Variants in WDR49 observed in about 807,000 individuals in gnomAD.
WDR49 encodes WD repeat domain 49.
Under a neutral mutation model 119.5 loss-of-function variants are expected in WDR49, and 107 were observed. The observed-to-expected ratio is 0.90, with a 90% CI of 0.77 to 1.05. The LOEUF is 1.05. WDR49 is among the 50% of genes least tolerant of loss of function. WDR49 has a pLI of 0.00. For missense variants in WDR49, 1,240 were observed against 1,220.5 expected, an observed-to-expected ratio of 1.02 and a Z score of -0.24; for synonymous variants, 425 against 418.8, an observed-to-expected ratio of 1.01 and a Z score of -0.18.
rs189344348 is a variant in WDR49, at chr3:167,597,284, C to T, written c.1275+4843G>A. On this transcript the variant is annotated intron_variant, in intron 7 of 18. Coordinates refer to ENST00000682715, the MANE Select transcript of WDR49 (RefSeq NM_001366157.1). ...TGCAAGCTCCAAGCATTGGCAGCTT[C>T]CACATGGTGTTGAGCCTGTGGGTGC... 1.5e-3 allele frequency among the ~76,000 whole-genome samples: 230 copies of T among 152,344 alleles called. 1 individual carries two copies. The highest frequency in any genetic ancestry group is 0.014 in the Middle Eastern group (4 of 294).
chr3:167,517,703 CTTTTT>C (rs1030671135), intron 16 of WDR49, among the ~76,000 whole-genome samples: 1 of 140,734 alleles, frequency 7.1e-6, no homozygotes, highest in African/African-American at 2.6e-5. Flanking sequence ...TTAACCTTTA[CTTTTT>C]TTTTCTTTTC....
intron 3 of WDR49, among the ~76,000 whole-genome samples, chr3:167,625,466 T>C (rs1262706453): frequency 1.3e-5 from 2 of 152,074 alleles, no homozygotes; most frequent in Admixed American, 1.3e-4. Flanking sequence ...TTTTGAAAAC[T>C]GGCAAACAAA....
At chr3:167,582,457 CGT>C (rs1714586879) in intron 7 of WDR49, among the ~76,000 whole-genome samples, 1 of 151,904 alleles carries the variant, frequency 6.6e-6, no homozygotes, top group Admixed American at 6.6e-5. Context: ...TCTCTTCTGC[CGT>C]TTATCTTTAA....
chr3:167,489,032 T>C (rs1224658541), intron 18 of WDR49, among the ~76,000 whole-genome samples: 1 of 152,124 alleles, frequency 6.6e-6, no homozygotes, highest in Non-Finnish European at 1.5e-5. Flanking sequence ...TGTCACCTTA[T>C]TATATTATCT....
intron 15 of WDR49, among the ~76,000 whole-genome samples, chr3:167,527,612 C>T (rs928774221): frequency 6.6e-5 from 10 of 151,844 alleles, no homozygotes; most frequent in Non-Finnish European, 1.3e-4. Flanking sequence ...CCCATCTTTC[C>T]ATGTCTCTGG....
intron 5 of WDR49, among the ~76,000 whole-genome samples, 156 bp from the exon 6 acceptor site, chr3:167,604,624 C>CA (rs1715955500): frequency 6.6e-6 from 1 of 152,154 alleles, no homozygotes; most frequent in Non-Finnish European, 1.5e-5. Context: ...CCCCTTCTCC[C>CA]ACCTCCCACA....
At position 167,579,933 on chromosome 3, in the gene WDR49, A is replaced by G. The variant is rs552879556; in HGVS notation, c.1276-3782T>C. Among the ~76,000 whole-genome samples, 5 of 152,270 alleles carry G rather than the reference A, an allele frequency of 3.3e-5. No homozygotes were observed. In the East Asian group the frequency reaches 9.7e-4, roughly 29 times the overall value. On this transcript the variant is annotated intron_variant, in intron 7 of 18. Transcript: ENST00000682715. ...TCATGTCATAATAATAATATAGGGT[A>G]TAGTTGAATACACATTGACAATAAC...
chr3:167,550,469 G>A (rs1712489333), intron 10 of WDR49, among the ~76,000 whole-genome samples: 1 of 151,976 alleles, frequency 6.6e-6, no homozygotes, highest in Non-Finnish European at 1.5e-5. Flanking sequence ...GTGAATGGGA[G>A]TTCACTCAAA....
chr3:167,592,632 A>C (rs1560302183), intron 7 of WDR49, among the ~76,000 whole-genome samples: 1 of 151,924 alleles, frequency 6.6e-6, no homozygotes, highest in Non-Finnish European at 1.5e-5. Flanking sequence ...ATGGGGTTTC[A>C]CCATGTTGGG....
chr3:167,498,623 G>A (rs1013594425), intron 18 of WDR49, among the ~76,000 whole-genome samples: 24 of 152,142 alleles, frequency 1.6e-4, no homozygotes, highest in African/African-American at 4.8e-4. Context: ...AACAAAGGTT[G>A]TCTTATTATG....
At chr3:167,644,903 A>G (rs1392534037) in intron 2 of WDR49, among the ~76,000 whole-genome samples, 1 of 152,124 alleles carries the variant, frequency 6.6e-6, no homozygotes, top group Non-Finnish European at 1.5e-5. Flanking sequence ...AGAGTATCAA[A>G]TCAAATTCTT....
At chr3:167,642,440 G>A (rs925599517) in intron 2 of WDR49, among the ~76,000 whole-genome samples, 1 of 151,998 alleles carries the variant, frequency 6.6e-6, no homozygotes, top group Non-Finnish European at 1.5e-5. Context: ...GGTTCAAAAT[G>A]TGAGAGCATG....
Position 167,518,367 on chromosome 3 carries a change from C to T in WDR49, c.2774+3948G>A, listed in dbSNP as rs564594650. Reference sequence around the variant, plus strand: ...TCCCACCAACAGTGTAAAAGTGTTCCTATTTCTCCACATCCTCTCCGGCTC... The same window carrying T: ...TCCCACCAACAGTGTAAAAGTGTTCTTATTTCTCCACATCCTCTCCGGCTC... On this transcript the variant is annotated intron_variant, in intron 16 of 18. Coordinates refer to ENST00000682715, the MANE Select transcript of WDR49 (RefSeq NM_001366157.1). 5.3e-5 allele frequency among the ~76,000 whole-genome samples: 8 copies of T among 152,108 alleles called. No individual in the cohort carries two copies. The East Asian group carries it at 1.4e-3, about 26-fold the overall frequency.
intron 18 of WDR49, among the ~76,000 whole-genome samples, chr3:167,492,663 T>G (rs190600390): frequency 4.6e-5 from 7 of 152,148 alleles, no homozygotes; most frequent in African/African-American, 1.4e-4. Flanking sequence ...TATTTTCAGT[T>G]GAGGAAACTA....
chr3:167,574,366 A>G (rs1384836482), intron 8 of WDR49, among the ~76,000 whole-genome samples: 1 of 152,192 alleles, frequency 6.6e-6, no homozygotes. Flanking sequence ...TTTTCTTTGT[A>G]CTTTTCTGCA....
chr3:167,550,795 G>C (rs1268937396), intron 10 of WDR49, among the ~76,000 whole-genome samples: 1 of 148,932 alleles, frequency 6.7e-6, no homozygotes, highest in African/African-American at 2.5e-5. Flanking sequence ...GAGAGAGAGA[G>C]AGAGCTTTAA....
At position 167,516,827 on chromosome 3, in the gene WDR49, G is replaced by T. The variant is rs199518091; in HGVS notation, c.2774+5488C>A. ...TTTGCAATCTACTAATCTGACAAAG[G>T]GCTAATATCCAGAATCTACAATGAA... On this transcript the variant is annotated intron_variant, in intron 16 of 18. Coordinates refer to ENST00000682715, the MANE Select transcript of WDR49 (RefSeq NM_001366157.1). 9.9e-5 allele frequency among the ~76,000 whole-genome samples: 15 copies of T among 152,050 alleles called. No homozygotes were observed. The East Asian group carries it at 2.9e-3, about 29-fold the overall frequency.
intron 13 of WDR49, among the ~76,000 whole-genome samples, chr3:167,530,828 A>G (rs1381417045): frequency 6.6e-6 from 1 of 152,138 alleles, no homozygotes; most frequent in Non-Finnish European, 1.5e-5. Context: ...GTCTGGGACA[A>G]CAATTCTGAT....
chr3:167,502,669 G>C (rs993707561), intron 17 of WDR49, among the ~76,000 whole-genome samples: 3 of 152,148 alleles, frequency 2.0e-5, no homozygotes, highest in Non-Finnish European at 4.4e-5. Flanking sequence ...TCATGCTCTA[G>C]GCATCTGTGG....
Sources: allele counts gnomAD v4.1 joint callset (sites outside exome capture counted in the v4.1 genomes callset), GRCh38; gene constraint gnomAD v4.1.1; transcripts MANE v1.5; gene names NCBI Gene and HGNC (gene_info 2026-07-23, HGNC 2026-07-21).